The following PHACTR2 variants were observed in gnomAD, a reference collection of about 807,000 sequenced individuals.
PHACTR2 encodes phosphatase and actin regulator 2, also known as chromosome 6 open reading frame 56.
PHACTR2 carries 30 observed loss-of-function variants against 76.0 expected under a neutral mutation model. That is an observed-to-expected ratio of 0.39 (90% CI 0.30 to 0.54). The LOEUF is 0.54. Ranked by LOEUF, PHACTR2 falls within the 20% of genes least tolerant of loss-of-function variation. The pLI is 0.61. For missense variants in PHACTR2, 696 were observed against 781.1 expected (o/e 0.89, Z 1.30); for synonymous variants, 292 against 292.5 (o/e 1.00, Z 0.02).
intron 1 of PHACTR2, among the ~76,000 whole-genome samples, chr6:143,613,075 C>CA (rs1434162240): frequency 1.3e-5 from 2 of 152,230 alleles, no homozygotes; most frequent in African/African-American, 2.4e-5. Flanking sequence ...CTCCCAGGTT[C>CA]ACGCCATTCC....
At chr6:143,749,483 G>T (rs574517279) in intron 3 of PHACTR2, among the ~76,000 whole-genome samples, 1 of 152,190 alleles carries the variant, frequency 6.6e-6, no homozygotes, top group Non-Finnish European at 1.5e-5. Flanking sequence ...TAAAAGAGAA[G>T]AGAGAAGGCA....
In PHACTR2 at chr6:143,710,716, G is replaced by C. The variant is rs575664681; in HGVS notation, c.47-1300G>C. On this transcript the variant is annotated intron_variant, in intron 1 of 12. Coordinates refer to ENST00000440869, the MANE Select transcript of PHACTR2 (RefSeq NM_001100164.2). The surrounding 1 kb of genome is among the most constrained non-coding windows in gnomAD (Gnocchi z 4.9). ...TATCTCAAAAAGAAAAAGTAAGTCT[G>C]TTTCATCTTCTTGGAAGCAGAAGTC... Among the ~76,000 whole-genome samples the C allele has an allele frequency of 6.6e-6, 1 of 152,194 alleles. No homozygotes were observed. Among genetic ancestry groups the C allele is most frequent in the South Asian group, 2.1e-4 (1 of 4,816 alleles).
Position 143,764,118 on chromosome 6 carries a change from C to T in PHACTR2, c.695-1143C>T, listed in dbSNP as rs555584169. Among the ~76,000 whole-genome samples the T allele has an allele frequency of 4.1e-4, 62 of 152,312 alleles. No homozygotes were observed. The highest frequency in any genetic ancestry group is 1.5e-3 in the African/African-American group (62 of 41,564). ...AGGCAAATATACCATAGCTATCCTT[C>T]GATGAAGACCTTCTTGGAACTTAAG... On this transcript the variant is annotated intron_variant, in intron 5 of 12. Coordinates refer to ENST00000440869, the MANE Select transcript of PHACTR2 (RefSeq NM_001100164.2). This position sits in a 1 kb window ranked among gnomAD's most constrained non-coding sequence, Gnocchi z 4.7.
rs375669133 is a variant in PHACTR2, at chr6:143,739,091, A to G, written c.215-9894A>G. On this transcript the variant is annotated intron_variant, in intron 2 of 12. Transcript: ENST00000440869. This position sits in a 1 kb window ranked among gnomAD's most constrained non-coding sequence, Gnocchi z 4.3. ...ATTTATTTATTTATTTTTGAGACGG[A>G]GTCTCTCTCTGTCCCGAGGCTGGAG... 2.6e-5 allele frequency among the ~76,000 whole-genome samples: 4 copies of G among 152,190 alleles called. No homozygotes were observed. The highest frequency in any genetic ancestry group is 2.4e-5 in the African/African-American group (1 of 41,528).
chr6:143,760,748 T>C lies in PHACTR2; in HGVS notation c.694+108T>C. The C allele has an allele frequency of 7.9e-7, 1 of 1,266,988 alleles. No individual in the cohort carries two copies. The highest frequency in any genetic ancestry group is 1.1e-6 in the Non-Finnish European group (1 of 925,532). 78.5% of individuals were successfully genotyped at this position (1,266,988 alleles called of 1,614,324 possible). ...ATGGGCTTTTGGTGTCTTAGGACAT[T>C]ACACCAGCAGGTTCAGCTTTGACAC... On this transcript the variant is annotated intron_variant, in intron 5 of 12. Transcript: ENST00000440869. This position sits in a 1 kb window ranked among gnomAD's most constrained non-coding sequence, Gnocchi z 6.4.
chr6:143,779,639 T>C (rs1266417302), intron 9 of PHACTR2, among the ~76,000 whole-genome samples: 2 of 152,146 alleles, frequency 1.3e-5, no homozygotes, highest in Non-Finnish European at 2.9e-5. Context: ...TAAGCCACCG[T>C]GCCCGGCCCT....
chr6:143,595,978 C>T lies in PHACTR2; in HGVS notation c.217+58771C>T, dbSNP rs187718836. On this transcript the variant is annotated intron_variant, in intron 1 of 11. Coordinates refer to the PHACTR2 transcript ENST00000367584. The surrounding 1 kb of genome is among the most constrained non-coding windows in gnomAD (Gnocchi z 4.2). ...TTTTTCTATGGTTCAAACTATTTCTCGTATAAGCACTATCTACTGGAGACT... is the reference window on the plus strand; with the variant it reads ...TTTTTCTATGGTTCAAACTATTTCTTGTATAAGCACTATCTACTGGAGACT... 1.1e-3 allele frequency among the ~76,000 whole-genome samples: 174 copies of T among 152,162 alleles called. 1 individual carries two copies. The Middle Eastern group carries it at 0.017, about 15-fold the overall frequency.
Position 143,800,451 on chromosome 6 carries a change from C to CG in PHACTR2, c.1846-6602dup, listed in dbSNP as rs1162765904. Among the ~76,000 whole-genome samples, 1 of 151,938 alleles carries CG rather than the reference C, an allele frequency of 6.6e-6. No homozygotes were observed. Among genetic ancestry groups the CG allele is most frequent in the Non-Finnish European group, 1.5e-5 (1 of 67,966 alleles). On this transcript the variant is annotated intron_variant, in intron 11 of 12. Transcript: ENST00000440869. This position sits in a 1 kb window ranked among gnomAD's most constrained non-coding sequence, Gnocchi z 4.8. ...TAATTTTTTGTATTTTTAGTAGAGA[C>CG]GGGGTTTCACTGTGTTAGCCAGGAT...
chr6:143,632,709 G>C (rs1340392220), intron 1 of PHACTR2, among the ~76,000 whole-genome samples: 1 of 152,146 alleles, frequency 6.6e-6, no homozygotes, highest in Admixed American at 6.6e-5. Context: ...TACAGCAGTA[G>C]TTATATACAG....
At chr6:143,575,695 A>G (rs1199636269) in intron 1 of PHACTR2, among the ~76,000 whole-genome samples, 2 of 152,258 alleles carry the variant, frequency 1.3e-5, no homozygotes, top group African/African-American at 4.8e-5. Flanking sequence ...GTCCTTGAGA[A>G]GCAATATGAG....
intron 1 of PHACTR2, among the ~76,000 whole-genome samples, chr6:143,576,259 A>G (rs925113668): frequency 2.0e-5 from 3 of 152,216 alleles, no homozygotes; most frequent in African/African-American, 7.2e-5. Context: ...ATGCTGCTGT[A>G]TAACACTCCG....
At chr6:143,675,922 G>A (rs1022520061), upstream of PHACTR2, among the ~76,000 whole-genome samples, 11 of 152,100 alleles carry the variant, frequency 7.2e-5, no homozygotes, top group Non-Finnish European at 1.3e-4. The surrounding 1 kb of genome is among the most constrained non-coding windows in gnomAD (Gnocchi z 4.9). Flanking sequence ...TAACCTTTGC[G>A]TTACAACCTA....
Position 143,764,083 on chromosome 6 carries a change from A to G in PHACTR2, c.695-1178A>G, listed in dbSNP as rs1421106031. Among the ~76,000 whole-genome samples the G allele has an allele frequency of 6.6e-6, 1 of 152,244 alleles. No individual in the cohort carries two copies. Among genetic ancestry groups the G allele is most frequent in the Non-Finnish European group, 1.5e-5 (1 of 68,038 alleles). The stretch of plus-strand genomic sequence containing the variant: ...AAACTGTTTTGATTGAGGGTGCCCT[A>G]TCCGGAAGTAGGCAAATATACCATA... On this transcript the variant is annotated intron_variant, in intron 5 of 12. Transcript: ENST00000440869. The surrounding 1 kb of genome is among the most constrained non-coding windows in gnomAD (Gnocchi z 4.7).
At chr6:143,569,105 G>A (rs527616961) in intron 1 of PHACTR2, among the ~76,000 whole-genome samples, 2 of 152,172 alleles carry the variant, frequency 1.3e-5, no homozygotes, top group African/African-American at 2.4e-5. Flanking sequence ...GTGCTCACCC[G>A]TGACCATGAG....
chr6:143,543,323 A>G lies in PHACTR2; in HGVS notation c.217+6116A>G, dbSNP rs1313815278. On this transcript the variant is annotated intron_variant, in intron 1 of 11. Transcript: ENST00000367584. The surrounding 1 kb of genome is among the most constrained non-coding windows in gnomAD (Gnocchi z 4.7). ...TGATGAAGATGCTGTAGGCAAGGGC[A>G]TATCTTGATTTTTCATTTCTTCTTT... Among the ~76,000 whole-genome samples the G allele has an allele frequency of 1.3e-5, 2 of 152,232 alleles. No homozygotes were observed. Among genetic ancestry groups the G allele is most frequent in the Non-Finnish European group, 2.9e-5 (2 of 68,040 alleles).
At position 143,688,992 on chromosome 6, in the gene PHACTR2, T is replaced by G. The variant is rs558213754; in HGVS notation, c.46+10783T>G. 2.0e-5 allele frequency among the ~76,000 whole-genome samples: 3 copies of G among 152,252 alleles called. No individual in the cohort carries two copies. The highest frequency in any genetic ancestry group is 4.4e-5 in the Non-Finnish European group (3 of 68,044). On this transcript the variant is annotated intron_variant, in intron 1 of 12. Coordinates refer to ENST00000440869, the MANE Select transcript of PHACTR2 (RefSeq NM_001100164.2). The surrounding 1 kb of genome is among the most constrained non-coding windows in gnomAD (Gnocchi z 5.2). ...CCCTGCCCACCTCTCTGACCTCATC[T>G]TCCATCACTTTGCTCTGGTCCCCTC... is the stretch of plus-strand genomic sequence containing the variant.
chr6:143,691,786 A>G (rs1562271676), intron 1 of PHACTR2, among the ~76,000 whole-genome samples: 2 of 152,216 alleles, frequency 1.3e-5, no homozygotes, highest in Non-Finnish European at 2.9e-5. Flanking sequence ...AGGAAGAACT[A>G]TAAGAAAGAT....
rs7763053 is a variant in PHACTR2, at chr6:143,722,509, A to G, written c.214+10326A>G. Among the ~76,000 whole-genome samples the G allele has an allele frequency of 0.013, 2,004 of 152,166 alleles. 31 individuals are homozygous for G. The highest frequency in any genetic ancestry group is 0.034 in the African/African-American group (1,397 of 41,500). On this transcript the variant is annotated intron_variant, in intron 2 of 12. Coordinates refer to ENST00000440869, the MANE Select transcript of PHACTR2 (RefSeq NM_001100164.2). The surrounding 1 kb of genome is among the most constrained non-coding windows in gnomAD (Gnocchi z 4.1). ...TTTAATGAATGCATAATTTTCGTAC[A>G]TATTTTGGGGTATATGTGATATTTT...
chr6:143,783,803 A>T lies in PHACTR2; in HGVS notation c.1707+523A>T, dbSNP rs1045441500. Among the ~76,000 whole-genome samples the T allele has an allele frequency of 6.6e-6, 1 of 152,182 alleles. No homozygotes were observed. Among genetic ancestry groups the T allele is most frequent in the East Asian group, 1.9e-4 (1 of 5,192 alleles). Reference sequence around the variant, plus strand: ...CACAAAAAAAGAAAAAAATAAAATCATGTCTTTCATTCAGAGACAGCCATT... The same window carrying T: ...CACAAAAAAAGAAAAAAATAAAATCTTGTCTTTCATTCAGAGACAGCCATT... On this transcript the variant is annotated intron_variant, in intron 10 of 12. Coordinates refer to ENST00000440869, the MANE Select transcript of PHACTR2 (RefSeq NM_001100164.2). This position sits in a 1 kb window ranked among gnomAD's most constrained non-coding sequence, Gnocchi z 5.2.
Sources: allele counts gnomAD v4.1 joint callset (sites outside exome capture counted in the v4.1 genomes callset), GRCh38; gene constraint gnomAD v4.1.1; non-coding constraint Gnocchi (gnomAD v3.1); transcripts MANE v1.5; gene names NCBI Gene and HGNC (gene_info 2026-07-23, HGNC 2026-07-21).